The following PAK5 variants were observed in gnomAD, a reference collection of about 807,000 sequenced individuals.
The protein encoded by PAK5 is serine/threonine-protein kinase PAK 5.
PAK5 carries 16 observed loss-of-function variants against 65.9 expected under a neutral mutation model. The observed-to-expected ratio is 0.24, with a 90% CI of 0.16 to 0.37. PAK5 has a LOEUF of 0.37. PAK5 is among the 10% of genes least tolerant of loss of function. PAK5 has a pLI of 1.00. For synonymous variants in PAK5, 371 were observed against 354.9 expected (o/e 1.05, Z -0.51); for missense variants, 785 against 903.9 (o/e 0.87, Z 1.69).
chr20:9,562,460 C>T (rs141299325), intron 6 of PAK5, among the ~76,000 whole-genome samples: 3 of 152,276 alleles, frequency 2.0e-5, no homozygotes, highest in African/African-American at 7.2e-5. Flanking sequence ...TTCTCTGTGC[C>T]ACCCAGATTC....
chr20:9,666,709 C>G (rs1243599917), intron 2 of PAK5, among the ~76,000 whole-genome samples: 1 of 152,158 alleles, frequency 6.6e-6, no homozygotes, highest in East Asian at 1.9e-4. Flanking sequence ...AAACAAATAG[C>G]AAAAAGTTGT....
At chr20:9,707,587 A>C (rs2048024620) in intron 2 of PAK5, among the ~76,000 whole-genome samples, 1 of 152,188 alleles carries the variant, frequency 6.6e-6, no homozygotes, top group African/African-American at 2.4e-5. Context: ...GTCTATTTCC[A>C]CATCCCTTAA....
chr20:9,601,700 G>A (rs781408590), intron 3 of PAK5, among the ~76,000 whole-genome samples: 2 of 152,104 alleles, frequency 1.3e-5, no homozygotes, highest in Non-Finnish European at 2.9e-5. Context: ...TTGGCCACTG[G>A]AATGTTGGTG....
At chr20:9,636,522 A>G (rs1199783638) in intron 3 of PAK5, among the ~76,000 whole-genome samples, 1 of 152,244 alleles carries the variant, frequency 6.6e-6, no homozygotes, top group Non-Finnish European at 1.5e-5. Context: ...CTACAAAGAC[A>G]AACAAAACTA....
At chr20:9,654,781 T>C (rs995286327) in intron 2 of PAK5, among the ~76,000 whole-genome samples, 2 of 152,058 alleles carry the variant, frequency 1.3e-5, no homozygotes, top group Non-Finnish European at 1.5e-5. Context: ...GTCACTCCCA[T>C]TACCTTAAAG....
chr20:9,710,502 G>T (rs1343765328), intron 2 of PAK5, among the ~76,000 whole-genome samples: 1 of 152,126 alleles, frequency 6.6e-6, no homozygotes, highest in Non-Finnish European at 1.5e-5. Context: ...TAAGGAGCTT[G>T]GGTGGTCATC....
rs565935768 is a variant in PAK5 at position 9,704,632 on chromosome 20, G to A, written c.-12+6654C>T. Among the ~76,000 whole-genome samples the A allele has an allele frequency of 3.3e-5, 5 of 152,234 alleles. No homozygotes were observed. In the South Asian group the frequency reaches 1.0e-3, roughly 32 times the overall value. ...GTCTGCAACTACTTGTTTTAGTTCAGTTTCCCTAGGACACTGAACCTGAGA... is the reference window on the plus strand; with the variant it reads ...GTCTGCAACTACTTGTTTTAGTTCAATTTCCCTAGGACACTGAACCTGAGA... On this transcript the variant is annotated intron_variant, in intron 2 of 9. Coordinates refer to ENST00000353224, the MANE Select transcript of PAK5 (RefSeq NM_177990.4).
At chr20:9,650,436 A>G (rs970342902) in intron 2 of PAK5, among the ~76,000 whole-genome samples, 3 of 152,152 alleles carry the variant, frequency 2.0e-5, no homozygotes, top group African/African-American at 7.2e-5. Flanking sequence ...AGGTGGAGAA[A>G]GAGGTTGGGT....
At chr20:9,796,136 A>C (rs1376053765) in intron 1 of PAK5, among the ~76,000 whole-genome samples, 1 of 152,108 alleles carries the variant, frequency 6.6e-6, no homozygotes, top group Non-Finnish European at 1.5e-5. Context: ...ACATTAACAA[A>C]ACAGCTAAGA....
intron 1 of PAK5, among the ~76,000 whole-genome samples, chr20:9,728,633 A>G (rs111383753): frequency 8.5e-5 from 13 of 152,178 alleles, no homozygotes; most frequent in African/African-American, 2.9e-4. Context: ...AACTAAATAC[A>G]TTTTGGATCT....
chr20:9,786,851 G>T (rs1017593740), intron 1 of PAK5, among the ~76,000 whole-genome samples: 8 of 152,088 alleles, frequency 5.3e-5, no homozygotes, highest in African/African-American at 1.9e-4. Context: ...AAAGTTTCCT[G>T]TTGAGATTCT....
intron 1 of PAK5, among the ~76,000 whole-genome samples, chr20:9,837,657 T>C (rs1412604030): frequency 6.6e-6 from 1 of 152,148 alleles, no homozygotes; most frequent in Non-Finnish European, 1.5e-5. Context: ...AGAAAGAGTG[T>C]CTACAGCCTC....
chr20:9,572,455 C>CAAAGGA (rs1302614463), intron 4 of PAK5, among the ~76,000 whole-genome samples: 2 of 152,146 alleles, frequency 1.3e-5, no homozygotes, highest in Non-Finnish European at 2.9e-5. Context: ...GAAAGATGTG[C>CAAAGGA]AAAGCAGTCC....
At chr20:9,692,808 G>T (rs541496595) in intron 2 of PAK5, among the ~76,000 whole-genome samples, 41 of 152,168 alleles carry the variant, frequency 2.7e-4, no homozygotes, top group Non-Finnish European at 5.9e-5. Context: ...ATCAATACCA[G>T]CTTGGCAGCT....
At chr20:9,717,261 A>G (rs2048159065) in intron 1 of PAK5, among the ~76,000 whole-genome samples, 1 of 152,192 alleles carries the variant, frequency 6.6e-6, no homozygotes, top group Non-Finnish European at 1.5e-5. Flanking sequence ...CTTCGTATCC[A>G]CAGACTGGCT....
Position 9,542,663 on chromosome 20 carries a change from A to T in PAK5, c.1927T>A (p.Tyr643Asn). The stretch of plus-strand genomic sequence containing the variant: ...GCCTGGAGGGGAGGCTCATTGAAGT[A>T]GGGGGGCTCGCCATCAATCATTTCT... ...VIEMIDGEPPYFNEPPLQAMR... is the reference protein window; with the variant it reads ...VIEMIDGEPPNFNEPPLQAMR... Residue 643 changes from tyrosine (Y) to asparagine (N), a missense_variant, in exon 9 of 10, where the codon TAC becomes AAC. Tyr to Asn is a moderately radical substitution (Grantham distance 143). Around this residue, in one of 4 missense-constraint regions of PAK5, gnomAD observed 110 missense variants for 107.4 expected, o/e 1.02. Coordinates refer to ENST00000353224, the MANE Select transcript of PAK5 (RefSeq NM_177990.4). 3.7e-6 allele frequency: 6 copies of T among 1,613,948 alleles called. No homozygotes were observed. The highest frequency in any genetic ancestry group is 4.2e-6 in the Non-Finnish European group (5 of 1,179,838).
chr20:9,734,099 TA>T (rs547919702), intron 1 of PAK5, among the ~76,000 whole-genome samples: 11 of 152,172 alleles, frequency 7.2e-5, no homozygotes, highest in Non-Finnish European at 1.5e-4. Flanking sequence ...TTTCCTGTGG[TA>T]ATAGGTGAAT....
intron 2 of PAK5, among the ~76,000 whole-genome samples, chr20:9,704,473 G>A (rs1600264571): frequency 6.6e-6 from 1 of 152,132 alleles, no homozygotes; most frequent in Non-Finnish European, 1.5e-5. Context: ...GCAGATGAGA[G>A]CTTAAGTAAT....
intron 3 of PAK5, among the ~76,000 whole-genome samples, chr20:9,608,800 C>G (rs539915364): frequency 1.3e-5 from 2 of 152,214 alleles, no homozygotes; most frequent in Admixed American, 1.3e-4. Flanking sequence ...TCCACTTCTA[C>G]TGTGTTCTAT....
Sources: gnomAD v4.1 joint callset for allele counts (sites outside exome capture counted in the v4.1 genomes callset) on GRCh38, gnomAD v4.1.1 for gene constraint, gnomAD v4.1.1 regional missense constraint, MANE v1.5 for transcripts, NCBI Gene and HGNC (gene_info 2026-07-23, HGNC 2026-07-21) for gene names.